The following TEX14 variants were observed in gnomAD, a reference collection of about 807,000 sequenced individuals.
The protein encoded by TEX14 is inactive serine/threonine-protein kinase TEX14.
A neutral mutation model predicts 178.6 loss-of-function variants in TEX14; 168 were observed. That is an observed-to-expected ratio of 0.94 (90% CI 0.83 to 1.07). TEX14 has a LOEUF of 1.07. TEX14 is among the 50% of genes least tolerant of loss of function. The probability of loss-of-function intolerance (pLI) is 0.00; values close to 1 mark genes in which losing one functional copy is unlikely to be tolerated. For missense variants in TEX14, 1,730 were observed against 1,753.6 expected (o/e 0.99, Z 0.24); for synonymous variants, 626 against 634.1 (o/e 0.99, Z 0.19).
At position 58,565,821 on chromosome 17, in the gene TEX14, A is replaced by G. The variant is rs375876468; in HGVS notation, c.3890T>C (p.Leu1297Pro). 4.4e-6 allele frequency: 7 copies of G among 1,604,844 alleles called. No homozygotes were observed. The African/African-American group carries it at 9.4e-5, about 21-fold the overall frequency. Residue 1297 changes from leucine to proline, a missense_variant, in exon 27 of 32, where the codon CTC (leucine) becomes CCC (proline). By Grantham distance (98) the Leu-to-Pro change is moderately conservative. This residue lies in a region of TEX14 where 941 missense variants were observed against 1,072.4 expected (regional missense o/e 0.88). Coordinates refer to ENST00000349033, the MANE Select transcript of TEX14 (RefSeq NM_031272.5). ...GGATGAGCCCTGCTGCTGTTTCAAG[A>G]GCTCTGTCACAACACAAAAGCCAAA... is the stretch of plus-strand genomic sequence containing the variant. Reference protein sequence around the residue: ...PSQELLDDIELLKQQQGSSTV... With the variant: ...PSQELLDDIEPLKQQQGSSTV...
At chr17:58,654,425 C>T (rs1327126339) in intron 1 of TEX14, among the ~76,000 whole-genome samples, 1 of 151,442 alleles carries the variant, frequency 6.6e-6, no homozygotes, top group Non-Finnish European at 1.5e-5. Flanking sequence ...ATGAAACACT[C>T]CACCTTGTAG....
chr17:58,583,270 A>C (rs962921110), intron 19 of TEX14, among the ~76,000 whole-genome samples: 1 of 152,076 alleles, frequency 6.6e-6, no homozygotes, highest in Non-Finnish European at 1.5e-5. Flanking sequence ...AGTAGCTGGG[A>C]CTAGAGGCAT....
chr17:58,573,050 T>G, intron 23 of TEX14, 131 bp downstream of exon 23: 2 of 1,291,964 alleles, frequency 1.5e-6, no homozygotes, highest in Non-Finnish European at 2.1e-6. Flanking sequence ...TACCCAGTTT[T>G]GGCCCTAAAG....
chr17:58,576,599 C>G (rs189831828), intron 21 of TEX14, among the ~76,000 whole-genome samples: 2 of 152,306 alleles, frequency 1.3e-5, no homozygotes, highest in Admixed American at 1.3e-4. Flanking sequence ...AGGATATTGA[C>G]ATTGATACAG....
intron 1 of TEX14, among the ~76,000 whole-genome samples, chr17:58,666,031 G>C (rs1290372726): frequency 6.7e-6 from 1 of 148,674 alleles, no homozygotes; most frequent in African/African-American, 2.5e-5. Context: ...CCTGGGAGAC[G>C]GCGAGACTCT....
chr17:58,688,215 T>C (rs763445102), intron 1 of TEX14, among the ~76,000 whole-genome samples: 1 of 152,008 alleles, frequency 6.6e-6, no homozygotes, highest in African/African-American at 2.4e-5. Context: ...CTGCCTCCCA[T>C]GTTCCAGCAA....
intron 1 of TEX14, among the ~76,000 whole-genome samples, chr17:58,655,406 T>G (rs1047753127): frequency 2.2e-4 from 33 of 151,852 alleles, no homozygotes; most frequent in African/African-American, 7.7e-4. Context: ...ATGGTCTCGA[T>G]CTATTGACCT....
intron 22 of TEX14, among the ~76,000 whole-genome samples, 166 bp from the exon 23 acceptor site, chr17:58,573,474 T>C (rs1057251044): frequency 1.3e-5 from 2 of 152,182 alleles, no homozygotes; most frequent in East Asian, 3.8e-4. Flanking sequence ...AAAGAGAATA[T>C]TAGAGAACAT....
chr17:58,565,603 A>G (rs1168257880), intron 27 of TEX14, 144 bp downstream of exon 27: 2 of 599,056 alleles, frequency 3.3e-6, no homozygotes, highest in Non-Finnish European at 6.1e-6. Context: ...ACAGTAAAAC[A>G]GCTTGCCATA....
In TEX14 at chr17:58,616,202, A is replaced by C; in HGVS notation, c.740T>G (p.Phe247Cys). ...QADDEPTFSF[F>C]SGPYMVMTNL... Reference sequence around the variant, plus strand: ...GGTCATGACCATGTAGGGGCCGCTGAAGAAAGAGAAGGTGGGCTCATCATC... The same window carrying C: ...GGTCATGACCATGTAGGGGCCGCTGCAGAAAGAGAAGGTGGGCTCATCATC... The change falls in exon 7 of 32, where the codon TTC (phenylalanine) becomes TGC (cysteine). Residue 247 changes from phenylalanine to cysteine, a missense_variant. By Grantham distance (205) the Phe-to-Cys change is radical. Around this residue, in one of 2 missense-constraint regions of TEX14, gnomAD observed 789 missense variants for 681.2 expected, o/e 1.16. Transcript: ENST00000349033. The C allele has an allele frequency of 6.2e-7, 1 of 1,613,932 alleles. No individual in the cohort carries two copies. Among genetic ancestry groups the C allele is most frequent in the Non-Finnish European group, 8.5e-7 (1 of 1,179,930 alleles).
intron 19 of TEX14, among the ~76,000 whole-genome samples, chr17:58,582,096 T>C (rs1326509105): frequency 3.3e-5 from 5 of 152,138 alleles, no homozygotes; most frequent in African/African-American, 1.2e-4. Context: ...GGCAGAGACA[T>C]AGCCCATGTG....
chr17:58,666,120 A>C (rs1480636998), intron 1 of TEX14, among the ~76,000 whole-genome samples: 1 of 151,944 alleles, frequency 6.6e-6, no homozygotes, highest in African/African-American at 2.4e-5. Context: ...GAAGGTGTGG[A>C]TCACTTGAGG....
chr17:58,661,001 T>C (rs376853670), intron 1 of TEX14: 1 of 1,172,678 alleles, frequency 8.5e-7, no homozygotes, highest in South Asian at 1.2e-5. Flanking sequence ...AATCCACCTC[T>C]GAAGGTGAAG....
chr17:58,631,704 G>C lies in TEX14; in HGVS notation c.137-1150C>G, dbSNP rs114690075. On this transcript the variant is annotated intron_variant, in intron 2 of 31. Transcript: ENST00000349033. ...AACAGCAAACAGCAGTTAGAATAACGCAACACCAAACACTGCTATCCCACT... is the reference window on the plus strand; with the variant it reads ...AACAGCAAACAGCAGTTAGAATAACCCAACACCAAACACTGCTATCCCACT... 6.0e-5 allele frequency: 9 copies of C among 150,680 alleles called. No individual in the cohort carries two copies. In the East Asian group the frequency reaches 1.6e-3, roughly 26 times the overall value. 9.3% of individuals were successfully genotyped at this position (150,680 alleles called of 1,614,324 possible).
chr17:58,569,083 C>G lies in TEX14; in HGVS notation c.3886+109G>C. On this transcript the variant is annotated intron_variant, in intron 26 of 31. Transcript: ENST00000349033. The surrounding 1 kb of genome is among the most constrained non-coding windows in gnomAD (Gnocchi z 4.1). Reference sequence around the variant, plus strand: ...CCCTTCCTATATTCAACCAGGCCATCATACAGCCTTTTATACTAGTGTTCA... The same window carrying G: ...CCCTTCCTATATTCAACCAGGCCATGATACAGCCTTTTATACTAGTGTTCA... 1 of 875,056 alleles carries G rather than the reference C, an allele frequency of 1.1e-6. No homozygotes were observed. The highest frequency in any genetic ancestry group is 2.3e-4 in the Middle Eastern group (1 of 4,336). The allele number at this position is 875,056 out of a possible 1,614,324, so 54.2% of individuals were successfully genotyped here.
chr17:58,599,449 C>T lies in TEX14; in HGVS notation c.1896G>A (p.Leu632=), dbSNP rs1443449563. The change falls in exon 14 of 32, where the codon TTG becomes TTA. Residue 632 remains leucine, a synonymous_variant. Coordinates refer to ENST00000349033, the MANE Select transcript of TEX14 (RefSeq NM_031272.5). ...CTGGAGGCTCTTCTATGTCATCTTC[C>T]AAAATCAAGCAGCCTGAGTAGATCT... ...INEIYSGCLI[L]EDDIEEPPGA... is the part of the protein sequence containing the mutation. The T allele has an allele frequency of 1.9e-6, 3 of 1,613,978 alleles. No homozygotes were observed. Among genetic ancestry groups the T allele is most frequent in the Non-Finnish European group, 2.5e-6 (3 of 1,180,028 alleles).
At chr17:58,631,460 T>C (rs1006634494) in intron 2 of TEX14, among the ~76,000 whole-genome samples, 16 of 151,958 alleles carry the variant, frequency 1.1e-4, no homozygotes, top group African/African-American at 2.2e-4. Context: ...AAAATAAAAA[T>C]GCACATATCT....
At chr17:58,576,149 T>G (rs2044670364) in intron 21 of TEX14, among the ~76,000 whole-genome samples, 1 of 152,252 alleles carries the variant, frequency 6.6e-6, no homozygotes, top group Non-Finnish European at 1.5e-5. Flanking sequence ...TTTTTTAAAC[T>G]TTTCTTTTGA....
At chr17:58,594,608 C>G (rs1458955408) in intron 14 of TEX14, among the ~76,000 whole-genome samples, 1 of 152,120 alleles carries the variant, frequency 6.6e-6, no homozygotes, top group East Asian at 1.9e-4. Context: ...CCTCCTTGAC[C>G]TCCCAAAGTA....
Sources: allele counts gnomAD v4.1 joint callset (sites outside exome capture counted in the v4.1 genomes callset), GRCh38; gene constraint gnomAD v4.1.1; regional missense constraint gnomAD v4.1.1; non-coding constraint Gnocchi (gnomAD v3.1); transcripts MANE v1.5; gene names NCBI Gene and HGNC (gene_info 2026-07-23, HGNC 2026-07-21).